Variants in HECW1 observed in about 807,000 individuals in gnomAD.
HECW1 encodes the protein E3 ubiquitin-protein ligase HECW1.
A neutral mutation model predicts 182.3 loss-of-function variants in HECW1; 61 were observed. That is an observed-to-expected ratio of 0.33 (90% confidence interval 0.27 to 0.41). HECW1 has a LOEUF of 0.41. Ranked by LOEUF, HECW1 falls within the 10% of genes least tolerant of loss-of-function variation. The probability of loss-of-function intolerance (pLI) is 1.00; values close to 1 mark genes in which losing one functional copy is unlikely to be tolerated. For missense variants in HECW1, 1,739 were observed against 2,108.9 expected (o/e 0.82, Z 3.44); for synonymous variants, 859 against 832.6 (o/e 1.03, Z -0.55).
chr7:43,429,039 C>T (rs1276037308), intron 8 of HECW1, among the ~76,000 whole-genome samples: 1 of 149,732 alleles, frequency 6.7e-6, no homozygotes, highest in Non-Finnish European at 1.5e-5. Flanking sequence ...ATATAATATA[C>T]AATTATATGC....
rs149524932 is a variant in HECW1 at position 43,169,339 on chromosome 7, G to C, written c.-32+54948G>C. On this transcript the variant is annotated intron_variant, in intron 2 of 29. Coordinates refer to ENST00000395891, the MANE Select transcript of HECW1 (RefSeq NM_015052.5). ...TTGTCATGGGGGCTGACCTGCGCAT[G>C]GCAGGGTGTGACACAGCATCCTGGC... Among the ~76,000 whole-genome samples, 1,492 of 152,294 alleles carry C rather than the reference G, an allele frequency of 9.8e-3. 26 individuals are homozygous for C. The highest frequency in any genetic ancestry group is 0.033 in the African/African-American group (1,392 of 41,558).
At chr7:43,142,283 A>G (rs544996023) in intron 2 of HECW1, among the ~76,000 whole-genome samples, 7 of 152,290 alleles carry the variant, frequency 4.6e-5, no homozygotes, top group Non-Finnish European at 1.0e-4. Flanking sequence ...CACTGTGGAT[A>G]TTGCCTAAAA....
At chr7:43,176,423 G>A (rs1225787540) in intron 2 of HECW1, among the ~76,000 whole-genome samples, 1 of 152,192 alleles carries the variant, frequency 6.6e-6, no homozygotes, top group East Asian at 1.9e-4. Flanking sequence ...ATCTAAGACT[G>A]GGTAATTTAT....
At chr7:43,143,433 A>C (rs1788380231) in intron 2 of HECW1, among the ~76,000 whole-genome samples, 1 of 152,000 alleles carries the variant, frequency 6.6e-6, no homozygotes, top group African/African-American at 2.4e-5. Flanking sequence ...ACAGGGATGC[A>C]CCACCATGCC....
intron 2 of HECW1, among the ~76,000 whole-genome samples, chr7:43,189,564 A>G (rs180985064): frequency 2.4e-3 from 359 of 152,348 alleles, no homozygotes; most frequent in African/African-American, 8.2e-3. Context: ...TCTCATAAAG[A>G]TAATGTGAAT....
At chr7:43,308,366 A>G (rs899898021) in intron 3 of HECW1, among the ~76,000 whole-genome samples, 2 of 135,274 alleles carry the variant, frequency 1.5e-5, no homozygotes, top group African/African-American at 5.5e-5. Flanking sequence ...ATATAATATA[A>G]CATATAATAT....
rs1244625832 is a variant in HECW1 at position 43,554,785 on chromosome 7, C to T, written c.4704C>T (p.Leu1568=). Residue 1568 remains leucine (L), a synonymous_variant, in exon 29 of 30, where the codon CTC becomes CTT. Coordinates refer to ENST00000395891, the MANE Select transcript of HECW1 (RefSeq NM_015052.5). ...CIEKWGKITS[L]PRAHTCFNRL... ...AGAAATGGGGGAAAATTACTTCTCT[C>T]CCCAGGTACAGAGCTCCTGCCAGCC... 1 of 1,612,662 alleles carries T rather than the reference C, an allele frequency of 6.2e-7. No individual in the cohort carries two copies. The highest frequency in any genetic ancestry group is 8.5e-7 in the Non-Finnish European group (1 of 1,179,300).
At chr7:43,467,551 A>AC (rs1396440289) in intron 15 of HECW1, among the ~76,000 whole-genome samples, 1 of 152,022 alleles carries the variant, frequency 6.6e-6, no homozygotes, top group Non-Finnish European at 1.5e-5. Context: ...GGGCTGCCTG[A>AC]CCAGAGGGGT....
At chr7:43,147,357 C>T (rs1446396860) in intron 2 of HECW1, 1 of 152,070 alleles carries the variant, frequency 6.6e-6, no homozygotes, top group Non-Finnish European at 1.5e-5. Context: ...TGCATTTTGC[C>T]CTTTGCTTGA....
intron 16 of HECW1, 78 bp from the exon 17 acceptor site, chr7:43,479,532 G>A: frequency 6.5e-7 from 1 of 1,549,342 alleles, no homozygotes; most frequent in African/African-American, 1.4e-5. Flanking sequence ...GGGCCCTGTA[G>A]CACTCCTGTA....
chr7:43,553,081 C>A (rs557731200), intron 28 of HECW1, among the ~76,000 whole-genome samples: 2 of 152,220 alleles, frequency 1.3e-5, no homozygotes, highest in African/African-American at 4.8e-5. Context: ...CGGTTCTAAC[C>A]GTGGCCTTCA....
chr7:43,313,895 G>T (rs1808858804), intron 4 of HECW1, among the ~76,000 whole-genome samples: 1 of 152,116 alleles, frequency 6.6e-6, no homozygotes, highest in Admixed American at 6.5e-5. Flanking sequence ...AGTGTCTTTT[G>T]TTTAGCACTT....
chr7:43,174,124 A>C (rs1316854699), intron 2 of HECW1, among the ~76,000 whole-genome samples: 2 of 152,148 alleles, frequency 1.3e-5, no homozygotes, highest in Non-Finnish European at 2.9e-5. Flanking sequence ...TACAGGCATG[A>C]GCCACAGTGC....
At chr7:43,389,641 TGTTGTC>T (rs1181643747) in intron 6 of HECW1, among the ~76,000 whole-genome samples, 2 of 151,288 alleles carry the variant, frequency 1.3e-5, no homozygotes, top group African/African-American at 4.9e-5. Flanking sequence ...TTGTTGTTGT[TGTTGTC>T]GTTGTTTTAA....
chr7:43,310,978 C>T (rs1271869711), intron 3 of HECW1, among the ~76,000 whole-genome samples: 3 of 152,156 alleles, frequency 2.0e-5, no homozygotes, highest in Admixed American at 6.5e-5. Context: ...GCTGCCTGTC[C>T]TTCTGTATTT....
chr7:43,358,441 A>G (rs929132938), intron 5 of HECW1, among the ~76,000 whole-genome samples: 5 of 152,178 alleles, frequency 3.3e-5, no homozygotes, highest in Non-Finnish European at 5.9e-5. Context: ...ATGTGAAAGA[A>G]CTATCGAGAA....
intron 8 of HECW1, among the ~76,000 whole-genome samples, chr7:43,410,527 A>C (rs1584806331): frequency 1.3e-5 from 2 of 152,164 alleles, no homozygotes; most frequent in South Asian, 4.1e-4. Flanking sequence ...ACACACATTC[A>C]GTCTATAACA....
At chr7:43,508,355 T>C (rs916619839) in intron 23 of HECW1, among the ~76,000 whole-genome samples, 1 of 152,192 alleles carries the variant, frequency 6.6e-6, no homozygotes, top group Non-Finnish European at 1.5e-5. Context: ...CAAGAGGATA[T>C]GCCAACAATA....
rs763007524 is a variant in HECW1 at position 43,444,267 on chromosome 7, G to A, written c.1095G>A (p.Gln365=). 5.0e-6 allele frequency: 8 copies of A among 1,613,746 alleles called. No individual in the cohort carries two copies. The South Asian group carries it at 7.7e-5, about 16-fold the overall frequency. ...LSTEPESAQI[Q]DSPMNNLMES... ...CCGAGCCTGAGTCAGCCCAAATTCAGGACAGCCCCATGAACAACCTGATGG... is the reference window on the plus strand; with the variant it reads ...CCGAGCCTGAGTCAGCCCAAATTCAAGACAGCCCCATGAACAACCTGATGG... The change falls in exon 11 of 30, where the codon CAG becomes CAA. Residue 365 remains glutamine (Q), a synonymous_variant. Transcript: ENST00000395891. The surrounding 1 kb of genome is among the most constrained non-coding windows in gnomAD (Gnocchi z 4.3).
Sources: gnomAD v4.1 joint callset for allele counts (sites outside exome capture counted in the v4.1 genomes callset) on GRCh38, gnomAD v4.1.1 for gene constraint, Gnocchi (gnomAD v3.1) non-coding constraint, MANE v1.5 for transcripts, NCBI Gene and HGNC (gene_info 2026-07-23, HGNC 2026-07-21) for gene names.